Variants in BACE2 observed in about 807,000 individuals in gnomAD.
BACE2 encodes beta-secretase 2.
BACE2 carries 17 observed loss-of-function variants against 46.2 expected under a neutral mutation model. The ratio of observed to expected loss-of-function variants is 0.37; its 90% confidence interval spans 0.25 to 0.55. The LOEUF (loss-of-function observed/expected upper bound fraction) is 0.55, where lower values mean the gene tolerates loss of function less well. BACE2 is among the 20% of genes least tolerant of loss of function. The pLI, the probability that BACE2 is intolerant of heterozygous loss-of-function variation, is 0.82. For missense variants in BACE2, 595 were observed against 698.1 expected, an observed-to-expected ratio of 0.85 and a Z score of 1.66; for synonymous variants, 277 against 295.9, an observed-to-expected ratio of 0.94 and a Z score of 0.66.
rs116481225 is a variant in BACE2, at chr21:41,257,056, G to A, written c.1135-102G>A. ...TTCTTCTCCCGTGACTCCCCCCAGC[G>A]CCTGGGAGGGTCCTGAGCATGCGTG... is the stretch of plus-strand genomic sequence containing the variant. On this transcript the variant is annotated intron_variant, in intron 7 of 8. Transcript: ENST00000330333. The A allele has an allele frequency of 2.2e-3, 2,913 of 1,334,000 alleles. 51 individuals are homozygous for A. The African/African-American group carries it at 0.037, about 17-fold the overall frequency. 82.6% of individuals were successfully genotyped at this position (1,334,000 alleles called of 1,614,324 possible).
At chr21:41,254,495 T>C (rs1987724710) in intron 7 of BACE2, among the ~76,000 whole-genome samples, 1 of 152,234 alleles carries the variant, frequency 6.6e-6, no homozygotes. Context: ...AGGCTAATCA[T>C]TACTCACAGG....
intron 1 of BACE2, chr21:41,180,440 C>A (rs1985075491): frequency 5.9e-6 from 1 of 168,148 alleles, no homozygotes; most frequent in African/African-American, 2.4e-5. Flanking sequence ...TAGGCCCTGC[C>A]TGGCACTGGA....
chr21:41,267,570 G>A (rs1601322578), intron 8 of BACE2, among the ~76,000 whole-genome samples: 1 of 152,192 alleles, frequency 6.6e-6, no homozygotes, highest in African/African-American at 2.4e-5. Context: ...CTTGCTGCAG[G>A]TTGAAAGTGG....
chr21:41,237,822 T>A, intron 3 of BACE2, 93 bp downstream of exon 3: 1 of 1,044,068 alleles, frequency 9.6e-7, no homozygotes. Context: ...TCTTGGGCTG[T>A]TCTTGGAGAC....
intron 1 of BACE2, among the ~76,000 whole-genome samples, chr21:41,225,118 T>C (rs1441348957): frequency 6.6e-6 from 1 of 151,500 alleles, no homozygotes; most frequent in Non-Finnish European, 1.5e-5. Flanking sequence ...CCTGTAGTCC[T>C]AGCTACTGAG....
chr21:41,231,915 CTAA>C (rs1373519378), intron 2 of BACE2, among the ~76,000 whole-genome samples: 3 of 152,074 alleles, frequency 2.0e-5, no homozygotes, highest in Non-Finnish European at 1.5e-5. Flanking sequence ...AAACTCTACG[CTAA>C]TAATAACCCC....
intron 1 of BACE2, among the ~76,000 whole-genome samples, chr21:41,208,605 G>T (rs927973398): frequency 2.0e-5 from 3 of 152,166 alleles, no homozygotes; most frequent in Admixed American, 6.5e-5. Context: ...GAGGGTTTCA[G>T]TGCCTCTCCC....
chr21:41,237,016 T>C (rs1272274793), intron 2 of BACE2, among the ~76,000 whole-genome samples: 1 of 152,234 alleles, frequency 6.6e-6, no homozygotes, highest in Non-Finnish European at 1.5e-5. Context: ...TGGGGGAAGC[T>C]GTCACTTTGT....
chr21:41,179,619 A>G, intron 1 of BACE2: 1 of 1,363,680 alleles, frequency 7.3e-7, no homozygotes, highest in African/African-American at 1.5e-5. Context: ...AGGCGCAGCA[A>G]CTCTTTCATC....
chr21:41,171,507 T>C (rs1212593917), intron 1 of BACE2, among the ~76,000 whole-genome samples: 2 of 152,264 alleles, frequency 1.3e-5, no homozygotes, highest in Non-Finnish European at 2.9e-5. Context: ...CAGGGCCACG[T>C]TGGCATGGAG....
chr21:41,257,040 C>T (rs958781699), intron 7 of BACE2, 118 bp from the exon 8 acceptor site: 14 of 1,104,988 alleles, frequency 1.3e-5, no homozygotes, highest in South Asian at 4.4e-5. Context: ...TTTCTTCTCC[C>T]GTGACTCCCC....
intron 1 of BACE2, among the ~76,000 whole-genome samples, chr21:41,203,081 A>G (rs1986010153): frequency 6.6e-6 from 1 of 152,186 alleles, no homozygotes; most frequent in Admixed American, 6.5e-5. Flanking sequence ...CTGAGCATCC[A>G]GTAGGTGCAA....
intron 8 of BACE2, among the ~76,000 whole-genome samples, chr21:41,270,107 A>T (rs966616689): frequency 1.3e-5 from 2 of 152,140 alleles, no homozygotes; most frequent in Non-Finnish European, 2.9e-5. Flanking sequence ...ATATCTTTTC[A>T]TGTACTTTTT....
rs764609218 is a variant in BACE2 at position 41,241,822 on chromosome 21, T to C, written c.622T>C (p.Ser208Pro). Residue 208 changes from serine to proline, a missense_variant, in exon 4 of 9, where the codon TCA becomes CCA. By Grantham distance (74) the Ser-to-Pro change is moderately conservative (BLOSUM62 -1). Coordinates refer to ENST00000330333, the MANE Select transcript of BACE2 (RefSeq NM_012105.5). ...CCTCTCTGTCGCCCTCCCGCAGCCATCAAGTTCTCTGGAGACCTTCTTCGA... is the reference window on the plus strand; with the variant it reads ...CCTCTCTGTCGCCCTCCCGCAGCCACCAAGTTCTCTGGAGACCTTCTTCGA... ...GLAYATLAKP[S>P]SSLETFFDSL... is the part of the protein sequence containing the mutation. 1 of 1,614,126 alleles carries C rather than the reference T, an allele frequency of 6.2e-7. No individual in the cohort carries two copies. The highest frequency in any genetic ancestry group is 1.1e-5 in the South Asian group (1 of 91,080).
chr21:41,197,277 T>TTG (rs1393322548), intron 1 of BACE2, among the ~76,000 whole-genome samples: 1 of 123,492 alleles, frequency 8.1e-6, no homozygotes, highest in Non-Finnish European at 1.8e-5. Flanking sequence ...TTTTTTTTGT[T>TTG]TTTTTTTTTT....
chr21:41,205,358 A>T (rs1986092631), intron 1 of BACE2, among the ~76,000 whole-genome samples: 1 of 152,220 alleles, frequency 6.6e-6, no homozygotes, highest in Non-Finnish European at 1.5e-5. Context: ...ATGTGTTTTC[A>T]TAGATGAGAT....
intron 7 of BACE2, among the ~76,000 whole-genome samples, chr21:41,252,935 G>T (rs1363595581): frequency 6.6e-6 from 1 of 152,186 alleles, no homozygotes; most frequent in Non-Finnish European, 1.5e-5. Context: ...GCTCTCAGGA[G>T]AGGCTTGAGT....
At chr21:41,194,185 CT>C (rs1985665214) in intron 1 of BACE2, among the ~76,000 whole-genome samples, 1 of 152,080 alleles carries the variant, frequency 6.6e-6, no homozygotes. Context: ...ATGCAGTGGG[CT>C]TCCTATCAAT....
Position 41,276,033 on chromosome 21 carries a change from T to C in BACE2, c.*409T>C, listed in dbSNP as rs181911271. On this transcript the variant is annotated 3_prime_UTR_variant, in exon 9 of 9. Transcript: ENST00000330333. ...TTAGCTTACAGGAAGCTTTTTGTATTAATTGCCTTTGAGGTTATTTTCCGC... is the reference window on the plus strand; with the variant it reads ...TTAGCTTACAGGAAGCTTTTTGTATCAATTGCCTTTGAGGTTATTTTCCGC... The C allele has an allele frequency of 8.5e-5, 15 of 176,480 alleles. No homozygotes were observed. Among genetic ancestry groups the C allele is most frequent in the South Asian group, 7.7e-4 (6 of 7,818 alleles). 10.9% of individuals were successfully genotyped at this position (176,480 alleles called of 1,614,324 possible).
Sources: allele counts gnomAD v4.1 joint callset (sites outside exome capture counted in the v4.1 genomes callset), GRCh38; gene constraint gnomAD v4.1.1; transcripts MANE v1.5; gene names NCBI Gene and HGNC (gene_info 2026-07-23, HGNC 2026-07-21).